Variants in KIF6 observed in about 807,000 individuals in gnomAD.
KIF6 encodes kinesin family member 6, also known as kinesin-like protein KIF6.
KIF6 carries 106 observed loss-of-function variants against 112.7 expected under a neutral mutation model. The ratio of observed to expected loss-of-function variants is 0.94; its 90% CI spans 0.80 to 1.11. KIF6 has a LOEUF of 1.11. Among genes scored for constraint, KIF6 ranks in the 50% least tolerant of loss-of-function variants. The probability of loss-of-function intolerance (pLI) is 0.00; values close to 1 mark genes in which losing one functional copy is unlikely to be tolerated. For missense variants in KIF6, 929 were observed against 964.0 expected, an observed-to-expected ratio of 0.96 and a Z score of 0.48; for synonymous variants, 339 against 339.9, an observed-to-expected ratio of 1.00 and a Z score of 0.03.
chr6:39,457,841 T>G (rs1773232739), intron 13 of KIF6, among the ~76,000 whole-genome samples: 1 of 151,824 alleles, frequency 6.6e-6, no homozygotes, highest in Non-Finnish European at 1.5e-5. Flanking sequence ...AATCTCTGAA[T>G]AGACCAATAA....
chr6:39,603,857 C>T (rs946114945), intron 6 of KIF6, among the ~76,000 whole-genome samples: 1 of 152,184 alleles, frequency 6.6e-6, no homozygotes, highest in East Asian at 1.9e-4. Flanking sequence ...ATAACTTATA[C>T]CTTTTATTCC....
In KIF6 at chr6:39,385,646, G is replaced by A. The variant is rs139112928; in HGVS notation, c.1837C>T (p.Arg613Trp). The part of the protein sequence containing the change: ...IGHLKEEITQ[R>W]HIQQVALGIS... ...CCTAGGGCTACTTGCTGTATATGCC[G>A]CTGGGTGATTTCTTCCTTCAGGTGA... Residue 613 changes from arginine (R) to tryptophan (W), a missense_variant, in exon 16 of 23, where the codon CGG becomes TGG. Coordinates refer to ENST00000287152, the MANE Select transcript of KIF6 (RefSeq NM_145027.6). The A allele has an allele frequency of 3.0e-4, 484 of 1,613,470 alleles. 1 individual carries two copies. Among genetic ancestry groups the A allele is most frequent in the South Asian group, 9.3e-4 (85 of 91,060 alleles).
chr6:39,419,353 C>CA (rs10682536), intron 15 of KIF6, among the ~76,000 whole-genome samples: 2,737 of 73,682 alleles, frequency 0.037, 177 homozygotes, highest in African/African-American at 0.086. Flanking sequence ...GACTCTGTCT[C>CA]AAAAAAAAAA....
At chr6:39,547,430 C>T (rs1481319564) in intron 10 of KIF6, among the ~76,000 whole-genome samples, 3 of 152,074 alleles carry the variant, frequency 2.0e-5, no homozygotes, top group African/African-American at 7.2e-5. Flanking sequence ...GGGATTTATT[C>T]CTGATACATT....
intron 14 of KIF6, among the ~76,000 whole-genome samples, chr6:39,425,129 C>A (rs1004249699): frequency 6.6e-6 from 1 of 152,308 alleles, no homozygotes; most frequent in East Asian, 1.9e-4. Context: ...GTTCGTTCAG[C>A]AGCCACTCAG....
At chr6:39,720,855 A>T in intron 1 of KIF6, 44 bp from the exon 2 acceptor site, 1 of 866,674 alleles carries the variant, frequency 1.2e-6, no homozygotes, top group Non-Finnish European at 2.0e-6. Flanking sequence ...TGGTGAAATT[A>T]TGGCTTGAAC....
intron 5 of KIF6, among the ~76,000 whole-genome samples, chr6:39,625,219 A>G (rs1784030559): frequency 6.6e-6 from 1 of 152,142 alleles, no homozygotes; most frequent in Admixed American, 6.5e-5. Context: ...ATGGCAACCC[A>G]AGCTGACTAA....
chr6:39,533,879 T>C (rs1310063123), intron 13 of KIF6, among the ~76,000 whole-genome samples: 10 of 152,114 alleles, frequency 6.6e-5, no homozygotes, highest in Admixed American at 6.6e-4. Flanking sequence ...AGAGGAACGA[T>C]CAGACAGCAG....
intron 19 of KIF6, among the ~76,000 whole-genome samples, chr6:39,354,443 C>T (rs1764489377): frequency 6.6e-6 from 1 of 152,202 alleles, no homozygotes; most frequent in African/African-American, 2.4e-5. Context: ...ATGTCCTTAC[C>T]TCATCCCATA....
At chr6:39,609,390 C>A (rs1783081254) in intron 6 of KIF6, among the ~76,000 whole-genome samples, 1 of 152,094 alleles carries the variant, frequency 6.6e-6, no homozygotes, top group Admixed American at 6.5e-5. Context: ...TATTATTGCT[C>A]CAGAATCCAT....
At position 39,570,689 on chromosome 6, in the gene KIF6, G is replaced by A. The variant is rs1024219008; in HGVS notation, c.1181+7367C>T. On this transcript the variant is annotated intron_variant, in intron 10 of 22. Coordinates refer to ENST00000287152, the MANE Select transcript of KIF6 (RefSeq NM_145027.6). ...CCCCATGCTGTTCTCTTGATAATGA[G>A]TAAGTTCTCACGAGATCTGATGGTT... Among the ~76,000 whole-genome samples the A allele has an allele frequency of 5.3e-5, 8 of 152,008 alleles. 1 individual carries two copies. The highest frequency in any genetic ancestry group is 3.9e-4 in the Admixed American group (6 of 15,266).
At chr6:39,491,398 A>G (rs1455840594) in intron 13 of KIF6, among the ~76,000 whole-genome samples, 1 of 152,096 alleles carries the variant, frequency 6.6e-6, no homozygotes, top group African/African-American at 2.4e-5. Context: ...TGGACTGTAA[A>G]CACATGAGCA....
chr6:39,524,844 G>C (rs1777613760), intron 13 of KIF6, among the ~76,000 whole-genome samples: 1 of 152,228 alleles, frequency 6.6e-6, no homozygotes, highest in Non-Finnish European at 1.5e-5. Context: ...ATCCAGCTCA[G>C]ACTTTGCTCC....
At chr6:39,669,695 T>C (rs763528811) in intron 3 of KIF6, among the ~76,000 whole-genome samples, 8 of 152,242 alleles carry the variant, frequency 5.3e-5, no homozygotes, top group Non-Finnish European at 7.3e-5. Context: ...TTCCCCGGAA[T>C]AGAATAGACA....
intron 3 of KIF6, among the ~76,000 whole-genome samples, chr6:39,700,164 C>G (rs1186746409): frequency 1.3e-5 from 2 of 152,168 alleles, no homozygotes; most frequent in East Asian, 3.8e-4. Flanking sequence ...CAATTACACT[C>G]ATTTAATTAT....
At chr6:39,499,187 C>T (rs1386120235) in intron 13 of KIF6, among the ~76,000 whole-genome samples, 2 of 152,108 alleles carry the variant, frequency 1.3e-5, no homozygotes, top group African/African-American at 4.8e-5. Context: ...GGTACAGGCC[C>T]CTAGCCAGGT....
intron 13 of KIF6, among the ~76,000 whole-genome samples, chr6:39,510,294 G>A (rs531095828): frequency 2.0e-5 from 3 of 151,722 alleles, no homozygotes; most frequent in South Asian, 2.1e-4. Flanking sequence ...GGGTTTCACC[G>A]TGGTAGCCAG....
intron 16 of KIF6, among the ~76,000 whole-genome samples, chr6:39,383,613 A>AT (rs1172313323): frequency 1.3e-5 from 2 of 151,800 alleles, no homozygotes; most frequent in Non-Finnish European, 2.9e-5. Flanking sequence ...GCTTTGTTCT[A>AT]TTTGCTTAGG....
At chr6:39,436,930 G>T (rs1028766174) in intron 13 of KIF6, among the ~76,000 whole-genome samples, 11 of 152,042 alleles carry the variant, frequency 7.2e-5, no homozygotes, top group African/African-American at 2.7e-4. Context: ...GATAGGAATT[G>T]CACTGAATCT....
Sources: gnomAD v4.1 joint callset for allele counts (sites outside exome capture counted in the v4.1 genomes callset) on GRCh38, gnomAD v4.1.1 for gene constraint, MANE v1.5 for transcripts, NCBI Gene and HGNC (gene_info 2026-07-23, HGNC 2026-07-21) for gene names.